Variants in CHD9NB observed in about 807,000 individuals in gnomAD.
The protein encoded by CHD9NB is CHD9 neighbor protein.
the CHD9NB span, among the ~76,000 whole-genome samples, chr16:53,044,957 G>T: frequency 6.6e-6 from 1 of 151,996 alleles, no homozygotes; most frequent in East Asian, 1.9e-4. Flanking sequence ...TTGTTTTTCA[G>T]ACAAGGTCTC....
chr16:53,041,109 G>A, the CHD9NB span, among the ~76,000 whole-genome samples: 1 of 152,232 alleles, frequency 6.6e-6, no homozygotes, highest in Non-Finnish European at 1.5e-5. Flanking sequence ...TGGAAAGATG[G>A]ATGGATAGAT....
At chr16:53,039,120 A>G in the CHD9NB span, among the ~76,000 whole-genome samples, 1 of 152,184 alleles carries the variant, frequency 6.6e-6, no homozygotes, top group Non-Finnish European at 1.5e-5. Flanking sequence ...GCTCTACCTA[A>G]TATACAAATC....
At chr16:53,044,134 T>C in the CHD9NB span, 1 of 398,652 alleles carries the variant, frequency 2.5e-6, no homozygotes, top group Non-Finnish European at 4.4e-6. Flanking sequence ...GCCACCGTGG[T>C]GCTCTTGCTG....
At chr16:53,044,761 T>C in the CHD9NB span, among the ~76,000 whole-genome samples, 1 of 152,174 alleles carries the variant, frequency 6.6e-6, no homozygotes, top group Non-Finnish European at 1.5e-5. Flanking sequence ...CCATTATTTG[T>C]TTACAACCCT....
the CHD9NB span, among the ~76,000 whole-genome samples, chr16:53,037,770 C>A: frequency 2.0e-5 from 3 of 152,156 alleles, no homozygotes; most frequent in African/African-American, 7.2e-5. Context: ...CCACAATTCC[C>A]AAATGAATTC....
the CHD9NB span, among the ~76,000 whole-genome samples, chr16:53,042,509 C>T: frequency 6.7e-6 from 1 of 148,734 alleles, no homozygotes; most frequent in Non-Finnish European, 1.5e-5. Context: ...CTTCCCCCCT[C>T]CTCTCCCTCC....
chr16:53,039,122 A>T, the CHD9NB span, among the ~76,000 whole-genome samples: 1 of 152,172 alleles, frequency 6.6e-6, no homozygotes, highest in Non-Finnish European at 1.5e-5. Context: ...TCTACCTAAT[A>T]TACAAATCTA....
At chr16:53,048,736 C>A in the CHD9NB span, among the ~76,000 whole-genome samples, 1 of 152,184 alleles carries the variant, frequency 6.6e-6, no homozygotes, top group Non-Finnish European at 1.5e-5. Flanking sequence ...GGCTTGTGTG[C>A]ACAGGGTCAC....
chr16:53,052,627 G>A, the CHD9NB span: 2 of 152,396 alleles, frequency 1.3e-5, no homozygotes, highest in African/African-American at 2.4e-5. Flanking sequence ...TGTAATCTAG[G>A]ACTTTGCCCA....
the CHD9NB span, among the ~76,000 whole-genome samples, chr16:53,041,060 A>C: frequency 6.6e-6 from 1 of 152,136 alleles, no homozygotes; most frequent in African/African-American, 2.4e-5. Flanking sequence ...TGAAGAACAG[A>C]TGGGTGGGTG....
At chr16:53,052,607 A>C in the CHD9NB span, among the ~76,000 whole-genome samples, 1 of 152,224 alleles carries the variant, frequency 6.6e-6, no homozygotes, top group African/African-American at 2.4e-5. Context: ...TGATGCCAGA[A>C]TCCAGAGGTT....
the CHD9NB span, among the ~76,000 whole-genome samples, chr16:53,039,857 TG>T: frequency 6.6e-6 from 1 of 152,026 alleles, no homozygotes; most frequent in African/African-American, 2.4e-5. Context: ...CGTTGAAGAA[TG>T]GGATCAGCCC....
chr16:53,044,076 C>A, the CHD9NB span: 7 of 398,688 alleles, frequency 1.8e-5, no homozygotes, highest in Non-Finnish European at 2.2e-5. Context: ...GGTCTCCAGA[C>A]CTGGCTCTCT....
chr16:53,042,542 C>G, the CHD9NB span, among the ~76,000 whole-genome samples: 148 of 149,468 alleles, frequency 9.9e-4, no homozygotes, highest in African/African-American at 3.6e-3. Context: ...TCTTTCCTCC[C>G]TTCCCTCCCT....
At chr16:53,040,461 C>T in the CHD9NB span, among the ~76,000 whole-genome samples, 1 of 152,132 alleles carries the variant, frequency 6.6e-6, no homozygotes, top group Non-Finnish European at 1.5e-5. Flanking sequence ...TACATTGTGC[C>T]CCATGCAGTT....
At chr16:53,042,222 C>T in the CHD9NB span, among the ~76,000 whole-genome samples, 6 of 151,496 alleles carry the variant, frequency 4.0e-5, no homozygotes, top group South Asian at 2.1e-4. Context: ...CTTTCCTTCT[C>T]GCCCACCCTC....
chr16:53,044,362 C>A, the CHD9NB span: 3 of 390,360 alleles, frequency 7.7e-6, no homozygotes, highest in African/African-American at 2.1e-5. Flanking sequence ...GAGAGCTGCC[C>A]TTCCGGCTAA....
At chr16:53,048,026 A>C in the CHD9NB span, among the ~76,000 whole-genome samples, 1 of 111,168 alleles carries the variant, frequency 9.0e-6, no homozygotes. Flanking sequence ...GAGGGAGGGA[A>C]GGGAAGGAAA....
the CHD9NB span, among the ~76,000 whole-genome samples, chr16:53,044,676 C>T: frequency 1.3e-5 from 2 of 152,136 alleles, 1 homozygote; most frequent in Admixed American, 1.3e-4. Flanking sequence ...CAGGGTTACC[C>T]AAACAGGTAA....
Sources: allele counts gnomAD v4.1 joint callset (sites outside exome capture counted in the v4.1 genomes callset), GRCh38; gene constraint gnomAD v4.1.1; transcripts MANE v1.5; gene names NCBI Gene and HGNC (gene_info 2026-07-23, HGNC 2026-07-21).